The following TBC1D32 variants were observed in gnomAD, a reference collection of about 807,000 sequenced individuals.
TBC1D32 encodes the protein protein broad-minded.
In TBC1D32, 151 loss-of-function variants were observed where a neutral mutation model predicts 170.3. The ratio of observed to expected loss-of-function variants is 0.89; its 90% CI spans 0.78 to 1.01. The LOEUF is 1.01. TBC1D32 is among the 50% of genes least tolerant of loss of function. The pLI is 0.00. For missense variants in TBC1D32, 1,464 were observed against 1,457.1 expected (o/e 1.00, Z -0.08); for synonymous variants, 498 against 488.0 (o/e 1.02, Z -0.27).
At chr6:121,215,933 A>T (rs760209347) in intron 21 of TBC1D32, among the ~76,000 whole-genome samples, 13 of 152,242 alleles carry the variant, frequency 8.5e-5, no homozygotes, top group Non-Finnish European at 1.5e-4. Context: ...CATTGTGGAA[A>T]GCATTGTAGC....
chr6:121,207,526 T>C (rs1583215572), intron 21 of TBC1D32, among the ~76,000 whole-genome samples: 1 of 152,182 alleles, frequency 6.6e-6, no homozygotes, highest in Non-Finnish European at 1.5e-5. Flanking sequence ...GAAGATTACA[T>C]TGATGTATCA....
chr6:121,259,426 A>G (rs1799480029), intron 15 of TBC1D32, among the ~76,000 whole-genome samples: 1 of 152,188 alleles, frequency 6.6e-6, no homozygotes, highest in South Asian at 2.1e-4. Flanking sequence ...GGTAGACAAT[A>G]AAAAGAAGTC....
intron 21 of TBC1D32, among the ~76,000 whole-genome samples, chr6:121,216,997 T>C (rs891061124): frequency 6.6e-6 from 1 of 152,208 alleles, no homozygotes; most frequent in Non-Finnish European, 1.5e-5. Flanking sequence ...CTGGAGAAAC[T>C]GCAAAGATTA....
intron 3 of TBC1D32, among the ~76,000 whole-genome samples, chr6:121,311,701 T>C (rs1808228193): frequency 1.4e-5 from 2 of 144,848 alleles, no homozygotes; most frequent in South Asian, 4.4e-4. Flanking sequence ...CACTCCAGCC[T>C]GGCAACTGAG....
chr6:121,098,987 C>G (rs776642163), intron 30 of TBC1D32, among the ~76,000 whole-genome samples: 2 of 151,936 alleles, frequency 1.3e-5, no homozygotes, highest in African/African-American at 2.4e-5. Context: ...GCATTCATAT[C>G]CTGCTTTGCA....
intron 29 of TBC1D32, among the ~76,000 whole-genome samples, chr6:121,110,186 G>A (rs759596674): frequency 1.8e-4 from 27 of 151,062 alleles, no homozygotes; most frequent in Non-Finnish European, 3.7e-4. Context: ...AGGAGGCGGA[G>A]CTTGCAGTGT....
intron 13 of TBC1D32, 35 bp from the exon 14 acceptor site, chr6:121,281,721 A>T (rs1803017108): frequency 1.3e-6 from 2 of 1,504,054 alleles, no homozygotes; most frequent in Non-Finnish European, 1.8e-6. Context: ...ATACCAAAAC[A>T]TTAAATACTT....
intron 24 of TBC1D32, among the ~76,000 whole-genome samples, chr6:121,136,593 G>A (rs991088470): frequency 2.0e-5 from 3 of 152,082 alleles, no homozygotes; most frequent in Non-Finnish European, 4.4e-5. Context: ...TGCTAAGACT[G>A]AGAAGCCCTG....
chr6:121,185,353 T>G (rs1332651918), intron 22 of TBC1D32, among the ~76,000 whole-genome samples: 3 of 152,090 alleles, frequency 2.0e-5, no homozygotes, highest in Non-Finnish European at 2.9e-5. Flanking sequence ...TTCACTTGTG[T>G]TATCAGGGCT....
chr6:121,268,765 A>G (rs912709533), intron 15 of TBC1D32, among the ~76,000 whole-genome samples: 15 of 152,172 alleles, frequency 9.9e-5, no homozygotes, highest in Non-Finnish European at 1.8e-4. Context: ...AGAGAACACC[A>G]CAAAGATACT....
chr6:121,280,804 T>C (rs1018961320), intron 14 of TBC1D32, among the ~76,000 whole-genome samples: 4 of 151,776 alleles, frequency 2.6e-5, no homozygotes, highest in Non-Finnish European at 4.4e-5. Context: ...TGACAGCCCA[T>C]TGATGGGTGA....
chr6:121,088,562 T>C (rs1477402648), intron 31 of TBC1D32, among the ~76,000 whole-genome samples: 2 of 152,150 alleles, frequency 1.3e-5, no homozygotes, highest in Non-Finnish European at 2.9e-5. Context: ...TAAATACATA[T>C]TTAAATAAAC....
intron 10 of TBC1D32, among the ~76,000 whole-genome samples, chr6:121,296,498 C>T (rs9482131): frequency 6.6e-6 from 1 of 152,070 alleles, no homozygotes. Context: ...AAATGTTTGC[C>T]TCCTACTGTG....
At chr6:121,132,875 T>C (rs1781594645) in intron 24 of TBC1D32, among the ~76,000 whole-genome samples, 1 of 151,914 alleles carries the variant, frequency 6.6e-6, no homozygotes. Flanking sequence ...AAAAAAGATA[T>C]ATGCATATGT....
At chr6:121,116,773 T>C (rs971782948) in intron 26 of TBC1D32, among the ~76,000 whole-genome samples, 16 of 152,192 alleles carry the variant, frequency 1.1e-4, no homozygotes, top group African/African-American at 3.6e-4. Flanking sequence ...AGTTCTTCCC[T>C]GTGAAAGAAA....
chr6:121,329,526 C>T (rs1166524812), intron 1 of TBC1D32, among the ~76,000 whole-genome samples: 1 of 152,032 alleles, frequency 6.6e-6, no homozygotes, highest in Non-Finnish European at 1.5e-5. Flanking sequence ...GTGGCAAACA[C>T]CTGTAATCTT....
At chr6:121,203,382 C>G (rs944693872) in intron 22 of TBC1D32, among the ~76,000 whole-genome samples, 3 of 151,180 alleles carry the variant, frequency 2.0e-5, no homozygotes, top group Non-Finnish European at 2.9e-5. Flanking sequence ...GTAATTTTGT[C>G]ATTTTCTCTT....
At chr6:121,213,371 T>C (rs750980074) in intron 21 of TBC1D32, among the ~76,000 whole-genome samples, 26 of 151,742 alleles carry the variant, frequency 1.7e-4, no homozygotes, top group Non-Finnish European at 3.5e-4. Context: ...ACAAAATCAA[T>C]GCACAAAAAT....
chr6:121,239,376 C>T (rs1796679432), intron 19 of TBC1D32, among the ~76,000 whole-genome samples, 188 bp from the exon 20 acceptor site: 1 of 152,016 alleles, frequency 6.6e-6, no homozygotes, highest in Admixed American at 6.6e-5. Flanking sequence ...TTTTATGATA[C>T]TTCATTATCA....
Sources: allele counts gnomAD v4.1 joint callset (sites outside exome capture counted in the v4.1 genomes callset), GRCh38; gene constraint gnomAD v4.1.1; transcripts MANE v1.5; gene names NCBI Gene and HGNC (gene_info 2026-07-23, HGNC 2026-07-21).